The following ANKS1B variants were observed in gnomAD, a reference collection of about 807,000 sequenced individuals.
ANKS1B encodes ankyrin repeat and sterile alpha motif domain containing 1B.
In ANKS1B, 36 loss-of-function variants were observed where a neutral mutation model predicts 148.3. The ratio of observed to expected loss-of-function variants is 0.24; its 90% CI spans 0.19 to 0.32. The LOEUF (loss-of-function observed/expected upper bound fraction) is 0.32. Ranked by LOEUF, ANKS1B falls within the 10% of genes least tolerant of loss-of-function variation. The pLI, the probability that ANKS1B is intolerant of heterozygous loss-of-function variation, is 1.00. For synonymous variants in ANKS1B, 542 were observed against 560.8 expected, an observed-to-expected ratio of 0.97 and a Z score of 0.47; for missense variants, 1,157 against 1,542.6, an observed-to-expected ratio of 0.75 and a Z score of 4.19.
intron 9 of ANKS1B, among the ~76,000 whole-genome samples, chr12:99,592,379 AC>A (rs1394881139): frequency 2.0e-5 from 3 of 151,942 alleles, no homozygotes; most frequent in Non-Finnish European, 4.4e-5. Flanking sequence ...AAGGAAACTG[AC>A]CATTAGGTCA....
chr12:99,444,718 T>TA (rs2095608870), intron 10 of ANKS1B, among the ~76,000 whole-genome samples: 1 of 151,852 alleles, frequency 6.6e-6, no homozygotes, highest in South Asian at 2.1e-4. Flanking sequence ...GCCAAAAAAA[T>TA]AAAAAATAAA....
chr12:99,502,135 C>G (rs2152998928), intron 10 of ANKS1B, among the ~76,000 whole-genome samples: 1 of 152,162 alleles, frequency 6.6e-6, no homozygotes, highest in East Asian at 1.9e-4. Context: ...TTTTGCATTC[C>G]TTCCTCTATC....
chr12:99,519,072 G>C (rs1436898340), intron 9 of ANKS1B, among the ~76,000 whole-genome samples: 1 of 151,758 alleles, frequency 6.6e-6, no homozygotes, highest in Non-Finnish European at 1.5e-5. Flanking sequence ...ATTCCATTTT[G>C]GCCAGAGAAA....
intron 14 of ANKS1B, among the ~76,000 whole-genome samples, chr12:99,155,745 T>G (rs1278441603): frequency 6.6e-6 from 1 of 152,186 alleles, no homozygotes; most frequent in Non-Finnish European, 1.5e-5. Context: ...GCAGAAAGGT[T>G]AGTCTAACCT....
chr12:99,672,905 C>A (rs975893550), intron 8 of ANKS1B, among the ~76,000 whole-genome samples: 5 of 152,022 alleles, frequency 3.3e-5, no homozygotes, highest in African/African-American at 1.2e-4. Flanking sequence ...GCCAAAGACA[C>A]AATAAAACTG....
At chr12:99,923,594 A>G (rs1027251930) in intron 1 of ANKS1B, among the ~76,000 whole-genome samples, 1 of 152,194 alleles carries the variant, frequency 6.6e-6, no homozygotes, top group African/African-American at 2.4e-5. Context: ...ATGGTGACAG[A>G]AAAAAAGGAA....
intron 14 of ANKS1B, among the ~76,000 whole-genome samples, chr12:99,222,263 T>C (rs1263028608): frequency 1.3e-5 from 2 of 152,124 alleles, no homozygotes; most frequent in African/African-American, 2.4e-5. Flanking sequence ...AGGTAATAGG[T>C]ATTATAGGGA....
At chr12:99,518,034 T>C (rs1164777753) in intron 9 of ANKS1B, among the ~76,000 whole-genome samples, 2 of 152,214 alleles carry the variant, frequency 1.3e-5, no homozygotes, top group African/African-American at 4.8e-5. Flanking sequence ...TTGATTTGCA[T>C]ATGTTGAACC....
exon 10 of ANKS1B, chr12:98,735,473 T>G (rs189992637): frequency 2.1e-5 from 11 of 521,132 alleles, no homozygotes; most frequent in Admixed American, 6.2e-5. Context: ...ATTTATCTGT[T>G]GATTAGACCA....
rs550321706 is a variant in ANKS1B at position 99,573,351 on chromosome 12, C to T, written c.1273-68710G>A. Among the ~76,000 whole-genome samples the T allele has an allele frequency of 6.8e-4, 104 of 152,094 alleles. 1 individual carries two copies. The highest frequency in any genetic ancestry group is 1.1e-3 in the Non-Finnish European group (76 of 67,942). Reference sequence around the variant, plus strand: ...TCTCTTATAAAAATATCTAGACATACATTGACATATGAGATGATTGATTTT... The same window carrying T: ...TCTCTTATAAAAATATCTAGACATATATTGACATATGAGATGATTGATTTT... On this transcript the variant is annotated intron_variant, in intron 9 of 26. Transcript: ENST00000683438.
At chr12:99,001,282 A>G (rs2099932830) in intron 17 of ANKS1B, among the ~76,000 whole-genome samples, 1 of 152,008 alleles carries the variant, frequency 6.6e-6, no homozygotes, top group African/African-American at 2.4e-5. Flanking sequence ...ATAGACCACC[A>G]TGCTCAGCTA....
chr12:99,105,341 G>A (rs921637323), intron 15 of ANKS1B, among the ~76,000 whole-genome samples: 8 of 151,964 alleles, frequency 5.3e-5, no homozygotes, highest in African/African-American at 1.9e-4. Flanking sequence ...TTCCTGTGGG[G>A]CAGGAACAGT....
At chr12:99,956,414 C>T (rs1264613617) in intron 1 of ANKS1B, among the ~76,000 whole-genome samples, 2 of 152,050 alleles carry the variant, frequency 1.3e-5, no homozygotes, top group Admixed American at 1.3e-4. Flanking sequence ...TAAATGAGAG[C>T]CTCATTATTC....
chr12:99,052,007 A>T (rs981875597), intron 17 of ANKS1B, among the ~76,000 whole-genome samples: 7 of 152,220 alleles, frequency 4.6e-5, no homozygotes, highest in African/African-American at 1.7e-4. Flanking sequence ...CTTAGTTCAT[A>T]AATGCCATTT....
At chr12:99,951,783 A>G (rs978461610) in intron 1 of ANKS1B, among the ~76,000 whole-genome samples, 5 of 152,098 alleles carry the variant, frequency 3.3e-5, no homozygotes, top group Non-Finnish European at 5.9e-5. Context: ...ATAACTCAGG[A>G]GGCTGAGCCG....
intron 12 of ANKS1B, among the ~76,000 whole-genome samples, chr12:99,265,356 A>G (rs1466873835): frequency 2.0e-5 from 3 of 152,184 alleles, no homozygotes; most frequent in Non-Finnish European, 4.4e-5. Context: ...TCACTTCAGA[A>G]TACCTGGGGA....
chr12:98,745,782 GCTT>G lies in ANKS1B; in HGVS notation c.3812_3814del (p.Glu1271del). ...ATACTTGGTATTAATGCCCCTCTTG[GCTT>G]CTTGGCCCGGCTCCACAATCCACGG... On this transcript the variant is annotated inframe_deletion, in exon 27 of 27. Transcript: ENST00000683438. 1 of 1,613,722 alleles carries G rather than the reference GCTT, an allele frequency of 6.2e-7. No homozygotes were observed.
chr12:99,531,854 A>T (rs1389739746), intron 9 of ANKS1B, among the ~76,000 whole-genome samples: 1 of 152,160 alleles, frequency 6.6e-6, no homozygotes, highest in Non-Finnish European at 1.5e-5. Context: ...TCCGCATCTG[A>T]ACCAACATCT....
At chr12:99,559,684 T>TTTTGCC (rs2097312775) in intron 9 of ANKS1B, among the ~76,000 whole-genome samples, 1 of 152,310 alleles carries the variant, frequency 6.6e-6, no homozygotes, top group Non-Finnish European at 1.5e-5. Context: ...AGAAACAGGT[T>TTTTGCC]CAGCAAAATT....
Sources: gnomAD v4.1 joint callset for allele counts (sites outside exome capture counted in the v4.1 genomes callset) on GRCh38, gnomAD v4.1.1 for gene constraint, MANE v1.5 for transcripts, NCBI Gene and HGNC (gene_info 2026-07-23, HGNC 2026-07-21) for gene names.